The following KCNG3 variants were observed in gnomAD, a reference collection of about 807,000 sequenced individuals.
KCNG3 encodes potassium voltage-gated channel modifier subfamily G member 3, also known as voltage-gated potassium channel regulatory subunit KCNG3.
A neutral mutation model predicts 29.0 loss-of-function variants in KCNG3; 15 were observed. The observed-to-expected ratio is 0.52, with a 90% CI of 0.35 to 0.80. KCNG3 has a LOEUF of 0.80. Among genes scored for constraint, KCNG3 ranks in the 30% least tolerant of loss-of-function variants. KCNG3 has a pLI of 0.01. For missense variants in KCNG3, 512 were observed against 605.7 expected, an observed-to-expected ratio of 0.85 and a Z score of 1.62; for synonymous variants, 322 against 248.9, an observed-to-expected ratio of 1.29 and a Z score of -2.76.
chr2:42,433,943 G>C, the KCNG3 span, among the ~76,000 whole-genome samples: 3 of 152,054 alleles, frequency 2.0e-5, no homozygotes, highest in Admixed American at 6.6e-5. Context: ...CCAAACAAAT[G>C]CAAGACTTGT....
intron 1 of KCNG3, among the ~76,000 whole-genome samples, chr2:42,454,349 G>A (rs533230820): frequency 3.4e-4 from 52 of 152,226 alleles, no homozygotes; most frequent in East Asian, 1.9e-4. Context: ...TTAAGATGTC[G>A]AAGCAACCTT....
At chr2:42,461,523 T>C (rs1041479880) in intron 1 of KCNG3, among the ~76,000 whole-genome samples, 1 of 152,094 alleles carries the variant, frequency 6.6e-6, no homozygotes, top group African/African-American at 2.4e-5. Flanking sequence ...AAATCTGTGG[T>C]TCTGACTCTC....
chr2:42,424,248 C>A, the KCNG3 span, among the ~76,000 whole-genome samples: 28 of 152,132 alleles, frequency 1.8e-4, no homozygotes, highest in East Asian at 3.9e-4. Context: ...TCCAAACATT[C>A]GTCAGAACCT....
intron 1 of KCNG3, among the ~76,000 whole-genome samples, chr2:42,466,345 G>T (rs1419669597): frequency 3.9e-5 from 6 of 152,164 alleles, no homozygotes; most frequent in African/African-American, 1.2e-4. Flanking sequence ...GGCGGAGGTT[G>T]CAGTGAGCCA....
At chr2:42,434,055 A>C in the KCNG3 span, among the ~76,000 whole-genome samples, 1 of 152,240 alleles carries the variant, frequency 6.6e-6, no homozygotes, top group African/African-American at 2.4e-5. Flanking sequence ...TATGAATAAG[A>C]TGCTACCCCC....
chr2:42,391,448 G>A, the KCNG3 span, among the ~76,000 whole-genome samples: 1 of 152,094 alleles, frequency 6.6e-6, no homozygotes, highest in Non-Finnish European at 1.5e-5. Flanking sequence ...AGCCAGTTTG[G>A]GGACCAAGGA....
intron 1 of KCNG3, among the ~76,000 whole-genome samples, chr2:42,450,296 T>C (rs936673157): frequency 2.6e-5 from 4 of 152,146 alleles, no homozygotes; most frequent in African/African-American, 7.2e-5. Context: ...TTATTCAGAA[T>C]TGCACACCAA....
chr2:42,459,302 T>C (rs1672956138), intron 1 of KCNG3, among the ~76,000 whole-genome samples: 1 of 152,170 alleles, frequency 6.6e-6, no homozygotes, highest in African/African-American at 2.4e-5. Flanking sequence ...AAGCCAGTTC[T>C]GACCCGCTCC....
intron 1 of KCNG3, among the ~76,000 whole-genome samples, chr2:42,481,726 G>C (rs1673589556): frequency 6.6e-6 from 1 of 151,870 alleles, no homozygotes; most frequent in African/African-American, 2.4e-5. Flanking sequence ...TGCTCCAATT[G>C]ACCAAAGACA....
At chr2:42,460,237 G>A (rs1464167491) in intron 1 of KCNG3, among the ~76,000 whole-genome samples, 1 of 151,906 alleles carries the variant, frequency 6.6e-6, no homozygotes, top group African/African-American at 2.4e-5. Context: ...CACGCCTGTA[G>A]CCCTAGCTAC....
chr2:42,400,945 TCA>T, the KCNG3 span, among the ~76,000 whole-genome samples: 1 of 152,020 alleles, frequency 6.6e-6, no homozygotes, highest in African/African-American at 2.4e-5. Flanking sequence ...CTCTCTTCTC[TCA>T]GTCTGTCGTC....
intron 1 of KCNG3, among the ~76,000 whole-genome samples, chr2:42,461,684 A>G (rs1465960015): frequency 6.6e-6 from 1 of 152,158 alleles, no homozygotes; most frequent in Non-Finnish European, 1.5e-5. Context: ...ACCCCAATGT[A>G]CATATATTTG....
chr2:42,439,889 C>T (rs1453652910), downstream of KCNG3, among the ~76,000 whole-genome samples: 2 of 151,988 alleles, frequency 1.3e-5, no homozygotes, highest in Non-Finnish European at 2.9e-5. Context: ...GTGATCCACC[C>T]GCCTCGGCCT....
At chr2:42,454,641 G>A (rs1045849353) in intron 1 of KCNG3, among the ~76,000 whole-genome samples, 6 of 152,070 alleles carry the variant, frequency 3.9e-5, no homozygotes, top group Non-Finnish European at 5.9e-5. Context: ...GAACCAGGGA[G>A]GCAGAGGTTG....
At chr2:42,406,897 T>C in the KCNG3 span, among the ~76,000 whole-genome samples, 1 of 152,076 alleles carries the variant, frequency 6.6e-6, no homozygotes, top group Admixed American at 6.5e-5. Context: ...TTTCATTTTA[T>C]TGTTGGTTCC....
chr2:42,451,889 G>A (rs1289765049), intron 1 of KCNG3, among the ~76,000 whole-genome samples: 1 of 151,896 alleles, frequency 6.6e-6, no homozygotes, highest in East Asian at 1.9e-4. Flanking sequence ...AACAGAGTGA[G>A]ACCCTACCTC....
chr2:42,467,967 T>C (rs542808966), intron 1 of KCNG3, among the ~76,000 whole-genome samples: 89 of 146,398 alleles, frequency 6.1e-4, no homozygotes, highest in African/African-American at 2.1e-3. Flanking sequence ...TGAGACCCTG[T>C]CTCAAAAAAA....
At chr2:42,491,022 C>A (rs1558391919) in intron 1 of KCNG3, among the ~76,000 whole-genome samples, 1 of 152,106 alleles carries the variant, frequency 6.6e-6, no homozygotes, top group Non-Finnish European at 1.5e-5. Context: ...AAAACTGGGC[C>A]ATTAAGCTAA....
Position 42,493,389 on chromosome 2 carries a change from A to T in KCNG3, c.113T>A (p.Leu38Gln). ...GTCGCGCTCGGAGCGGCAGCCGTGC[A>T]GCCGGCTCACGCGGCGCAGCGGGAA... ...KDFPLRRVSR[L>Q]HGCRSERDVL... The change falls in exon 1 of 2, where the codon CTG becomes CAG. Residue 38 changes from leucine (L) to glutamine (Q), a missense_variant. Leu to Gln is a moderately radical substitution (Grantham distance 113). This residue lies in a region of KCNG3 where 91 missense variants were observed against 91.1 expected (regional missense o/e 1.00). Coordinates refer to ENST00000306078, the MANE Select transcript of KCNG3 (RefSeq NM_133329.6). 6.5e-7 allele frequency: 1 copy of T among 1,534,700 alleles called. No individual in the cohort carries two copies. Among genetic ancestry groups the T allele is most frequent in the South Asian group, 1.3e-5 (1 of 79,474 alleles).
Sources: allele counts gnomAD v4.1 joint callset (sites outside exome capture counted in the v4.1 genomes callset), GRCh38; gene constraint gnomAD v4.1.1; regional missense constraint gnomAD v4.1.1; transcripts MANE v1.5; gene names NCBI Gene and HGNC (gene_info 2026-07-23, HGNC 2026-07-21).